Variants in ZBTB16 observed in about 807,000 individuals in gnomAD.
The protein encoded by ZBTB16 is zinc finger and BTB domain containing 16.
ZBTB16 carries 8 observed loss-of-function variants against 56.8 expected under a neutral mutation model. The ratio of observed to expected loss-of-function variants is 0.14; its 90% CI spans 0.08 to 0.25. ZBTB16 has a LOEUF of 0.25. Ranked by LOEUF, ZBTB16 falls within the 10% of genes least tolerant of loss-of-function variation. The pLI is 1.00. For missense variants in ZBTB16, 625 were observed against 903.0 expected (o/e 0.69, Z 3.95); for synonymous variants, 363 against 368.5 (o/e 0.98, Z 0.17).
intron 6 of ZBTB16, among the ~76,000 whole-genome samples, chr11:114,247,813 A>C (rs1944845150): frequency 6.6e-6 from 1 of 152,198 alleles, no homozygotes; most frequent in Non-Finnish European, 1.5e-5. Flanking sequence ...TTGTAAAGTT[A>C]GATTGTGTTT....
rs115606824 is a variant in ZBTB16 at position 114,128,249 on chromosome 11, T to C, written c.1269-28088T>C. The stretch of plus-strand genomic sequence containing the variant: ...GGGGGGGATCCCAAGGTGTTGGTGG[T>C]TTGGAAGGGCAGTGACCCTGCATGA... On this transcript the variant is annotated intron_variant, in intron 2 of 6. Coordinates refer to ENST00000335953, the MANE Select transcript of ZBTB16 (RefSeq NM_006006.6). Among the ~76,000 whole-genome samples, 351 of 152,234 alleles carry C rather than the reference T, an allele frequency of 2.3e-3. 2 individuals carry two copies. Among genetic ancestry groups the C allele is most frequent in the African/African-American group, 7.2e-3 (300 of 41,536 alleles).
intron 2 of ZBTB16, among the ~76,000 whole-genome samples, chr11:114,122,444 A>G (rs1306817555): frequency 6.6e-6 from 1 of 151,862 alleles, no homozygotes; most frequent in African/African-American, 2.4e-5. Context: ...GTCTATGTAA[A>G]TGTGTATTAC....
intron 2 of ZBTB16, among the ~76,000 whole-genome samples, chr11:114,112,883 T>A (rs1312172803): frequency 2.0e-5 from 3 of 151,906 alleles, no homozygotes; most frequent in African/African-American, 7.3e-5. Flanking sequence ...CCCTCCTCAG[T>A]TTCCCAAGTA....
intron 3 of ZBTB16, among the ~76,000 whole-genome samples, chr11:114,182,039 A>G (rs1364488671): frequency 1.3e-5 from 2 of 151,950 alleles, no homozygotes; most frequent in African/African-American, 4.8e-5. Flanking sequence ...TCTTTACTCA[A>G]TGCTTTGTTG....
intron 3 of ZBTB16, among the ~76,000 whole-genome samples, chr11:114,185,840 C>T (rs1488358636): frequency 1.3e-5 from 2 of 152,230 alleles, no homozygotes; most frequent in African/African-American, 4.8e-5. Flanking sequence ...ACTGTTTCAT[C>T]TTGACATGGT....
At chr11:114,162,995 T>C (rs868373504) in intron 3 of ZBTB16, among the ~76,000 whole-genome samples, 1 of 152,156 alleles carries the variant, frequency 6.6e-6, no homozygotes, top group Non-Finnish European at 1.5e-5. Context: ...GAGTTTATGA[T>C]CGCTTGCAGA....
intron 3 of ZBTB16, among the ~76,000 whole-genome samples, chr11:114,185,786 T>C (rs1014971524): frequency 1.3e-5 from 2 of 152,158 alleles, no homozygotes; most frequent in African/African-American, 4.8e-5. Context: ...CTGGATCAGA[T>C]AATATAGTAG....
chr11:114,099,320 A>AAT (rs1025755270), intron 2 of ZBTB16, among the ~76,000 whole-genome samples: 13 of 152,100 alleles, frequency 8.5e-5, no homozygotes, highest in African/African-American at 2.2e-4. Flanking sequence ...AGATACTCTG[A>AAT]ATATATATAT....
intron 2 of ZBTB16, among the ~76,000 whole-genome samples, chr11:114,094,183 C>T (rs1356497933): frequency 1.3e-5 from 2 of 152,028 alleles, no homozygotes; most frequent in African/African-American, 2.4e-5. Context: ...GGTGTGGTGG[C>T]GGGCGCCTGT....
chr11:114,082,285 C>CAA (rs1436034297), intron 2 of ZBTB16, among the ~76,000 whole-genome samples: 24 of 151,848 alleles, frequency 1.6e-4, no homozygotes, highest in African/African-American at 5.1e-4. Flanking sequence ...ATCTCTATTT[C>CAA]AACACAACAA....
chr11:114,214,800 C>T lies in ZBTB16; in HGVS notation c.1454-27367C>T, dbSNP rs563015493. Among the ~76,000 whole-genome samples the T allele has an allele frequency of 1.2e-4, 18 of 152,238 alleles. No homozygotes were observed. The South Asian group carries it at 2.7e-3, about 23-fold the overall frequency. On this transcript the variant is annotated intron_variant, in intron 4 of 6. Coordinates refer to ENST00000335953, the MANE Select transcript of ZBTB16 (RefSeq NM_006006.6). ...TATATTTTTAGTAGAGACGGAGTTT[C>T]GCCATGTTGGCCAGCCTGTGGTGGT... is the stretch of plus-strand genomic sequence containing the variant.
chr11:114,251,155 C>T lies in ZBTB16; in HGVS notation c.*600C>T, dbSNP rs1944911039. On this transcript the variant is annotated 3_prime_UTR_variant, in exon 7 of 7. Coordinates refer to ENST00000335953, the MANE Select transcript of ZBTB16 (RefSeq NM_006006.6). ...TGCTTTGCCACATCTGGGTGTCCCC[C>T]GGTGGTCTCTGAGAGCCTCAGGACC... 6.6e-6 allele frequency among the ~76,000 whole-genome samples: 1 copy of T among 152,056 alleles called. No homozygotes were observed. The highest frequency in any genetic ancestry group is 2.4e-5 in the African/African-American group (1 of 41,406).
intron 2 of ZBTB16, among the ~76,000 whole-genome samples, chr11:114,113,785 A>G (rs1169171812): frequency 6.6e-6 from 1 of 152,236 alleles, no homozygotes; most frequent in Non-Finnish European, 1.5e-5. Context: ...CTTTTTCAAA[A>G]TCAATTCTAT....
intron 2 of ZBTB16, among the ~76,000 whole-genome samples, chr11:114,074,808 C>T (rs1273277165): frequency 1.3e-5 from 2 of 152,254 alleles, no homozygotes; most frequent in South Asian, 2.1e-4. Flanking sequence ...ACCCTGGCGG[C>T]ATAACCTGTG....
intron 2 of ZBTB16, among the ~76,000 whole-genome samples, chr11:114,109,458 A>G (rs1940924525): frequency 1.3e-5 from 2 of 152,060 alleles, no homozygotes; most frequent in African/African-American, 4.8e-5. Context: ...ACTGTTGGAG[A>G]GACCTGGAGG....
At chr11:114,244,059 G>A (rs950358646) in intron 5 of ZBTB16, among the ~76,000 whole-genome samples, 3 of 152,278 alleles carry the variant, frequency 2.0e-5, no homozygotes, top group Admixed American at 1.3e-4. Context: ...GCGCACACAA[G>A]CCATATACAG....
At chr11:114,149,244 C>T (rs1226907407) in intron 2 of ZBTB16, among the ~76,000 whole-genome samples, 1 of 152,170 alleles carries the variant, frequency 6.6e-6, no homozygotes, top group Non-Finnish European at 1.5e-5. Context: ...TAATGGATAT[C>T]TGCAGAGCCA....
chr11:114,198,029 A>G (rs146097488), intron 4 of ZBTB16, among the ~76,000 whole-genome samples: 1,647 of 152,208 alleles, frequency 0.011, 12 homozygotes, highest in Non-Finnish European at 0.015. Flanking sequence ...TACATGAAAA[A>G]AAAAAAAAAT....
chr11:114,079,352 T>C (rs1939682505), intron 2 of ZBTB16, among the ~76,000 whole-genome samples: 1 of 152,144 alleles, frequency 6.6e-6, no homozygotes, highest in African/African-American at 2.4e-5. Context: ...GGAGAAACTA[T>C]GAAAGGAACC....
Sources: gnomAD v4.1 joint callset for allele counts (sites outside exome capture counted in the v4.1 genomes callset) on GRCh38, gnomAD v4.1.1 for gene constraint, MANE v1.5 for transcripts, NCBI Gene and HGNC (gene_info 2026-07-23, HGNC 2026-07-21) for gene names.